Variants in MAGI1 observed in about 807,000 individuals in gnomAD.
The protein encoded by MAGI1 is membrane associated guanylate kinase, WW and PDZ domain containing 1, also known as membrane-associated guanylate kinase, WW and PDZ domain-containing protein 1.
MAGI1 carries 58 observed loss-of-function variants against 139.9 expected under a neutral mutation model. The ratio of observed to expected loss-of-function variants is 0.41; its 90% CI spans 0.34 to 0.52. MAGI1 has a LOEUF of 0.52. Ranked by LOEUF, MAGI1 falls within the 20% of genes least tolerant of loss-of-function variation. The pLI is 0.12. For synonymous variants in MAGI1, 812 were observed against 737.9 expected (o/e 1.10, Z -1.63); for missense variants, 1,874 against 1,901.6 (o/e 0.99, Z 0.27).
chr3:65,471,161 T>A (rs1050549289), intron 4 of MAGI1, among the ~76,000 whole-genome samples: 1 of 152,296 alleles, frequency 6.6e-6, no homozygotes, highest in Middle Eastern at 3.4e-3. Context: ...TGGACTGATA[T>A]GACTTGAGTC....
At chr3:65,426,611 G>C (rs11131021) in intron 12 of MAGI1, among the ~76,000 whole-genome samples, 97,375 of 152,036 alleles carry the variant, frequency 0.64, 32,164 homozygotes, top group Non-Finnish European at 0.72. Context: ...CTTTCTCATT[G>C]AACCTAGCTG....
At chr3:65,949,892 T>C (rs1021764575) in intron 1 of MAGI1, among the ~76,000 whole-genome samples, 3 of 151,526 alleles carry the variant, frequency 2.0e-5, no homozygotes, top group Non-Finnish European at 2.9e-5. Context: ...CTGCAAAAAA[T>C]ACATAAATTA....
At chr3:65,564,824 AATAAG>A (rs2080534532) in intron 2 of MAGI1, among the ~76,000 whole-genome samples, 1 of 152,194 alleles carries the variant, frequency 6.6e-6, no homozygotes, top group African/African-American at 2.4e-5. Context: ...CCTGTGTGAG[AATAAG>A]TTTACTGGCC....
chr3:65,871,931 C>T (rs2059952994), intron 1 of MAGI1, among the ~76,000 whole-genome samples: 1 of 152,304 alleles, frequency 6.6e-6, no homozygotes, highest in East Asian at 1.9e-4. Context: ...AGTTCTCCAC[C>T]TGTTCCTGTC....
chr3:65,657,113 T>G (rs1576622131), intron 1 of MAGI1, among the ~76,000 whole-genome samples: 1 of 150,820 alleles, frequency 6.6e-6, no homozygotes, highest in East Asian at 2.0e-4. Context: ...TTTACATACA[T>G]CCCCTACCTG....
At chr3:65,812,435 C>CTCTCTCTCTT (rs1248522804) in intron 1 of MAGI1, among the ~76,000 whole-genome samples, 124 of 144,148 alleles carry the variant, frequency 8.6e-4, no homozygotes, top group South Asian at 1.9e-3. Context: ...TATAAAATCT[C>CTCTCTCTCTT]TCTCTCTCTT....
At chr3:65,705,661 C>T (rs2030122700) in intron 1 of MAGI1, among the ~76,000 whole-genome samples, 1 of 152,170 alleles carries the variant, frequency 6.6e-6, no homozygotes, top group Admixed American at 6.5e-5. Context: ...AGATCTTGAA[C>T]ATTTTCACAT....
At chr3:65,371,781 C>T (rs566527833) in intron 18 of MAGI1, 3 of 234,324 alleles carry the variant, frequency 1.3e-5, no homozygotes, top group African/African-American at 6.9e-5. Flanking sequence ...TAGATTCCAT[C>T]TCAAGAAACC....
intron 1 of MAGI1, among the ~76,000 whole-genome samples, chr3:65,801,581 T>C (rs2040517022): frequency 6.6e-6 from 1 of 152,148 alleles, no homozygotes; most frequent in Non-Finnish European, 1.5e-5. Context: ...CAGGTCTCCA[T>C]CTCCCTGACA....
intron 1 of MAGI1, among the ~76,000 whole-genome samples, chr3:65,817,573 C>T (rs1258322134): frequency 6.6e-6 from 1 of 152,174 alleles, no homozygotes; most frequent in African/African-American, 2.4e-5. Flanking sequence ...CAATAATATA[C>T]TCGCATTTCC....
Position 65,620,796 on chromosome 3 carries a change from C to G in MAGI1, c.430+1176G>C, listed in dbSNP as rs574808587. Among the ~76,000 whole-genome samples the G allele has an allele frequency of 3.3e-5, 5 of 152,298 alleles. No homozygotes were observed. In the South Asian group the frequency reaches 8.3e-4, roughly 25 times the overall value. On this transcript the variant is annotated intron_variant, in intron 2 of 22. Coordinates refer to ENST00000402939, the MANE Select transcript of MAGI1 (RefSeq NM_001033057.2). ...GGGCCCTGTCCCAAGTTACTTGCAG[C>G]AAACCTCTTCTCCTCTCATAGCCTC...
chr3:65,930,407 C>T (rs2062755639), intron 1 of MAGI1, among the ~76,000 whole-genome samples: 2 of 150,726 alleles, frequency 1.3e-5, no homozygotes, highest in Non-Finnish European at 3.0e-5. Context: ...CTACTAACTT[C>T]CCCAAATAAG....
chr3:65,741,849 A>G (rs1240777775), intron 1 of MAGI1, among the ~76,000 whole-genome samples: 1 of 152,172 alleles, frequency 6.6e-6, no homozygotes, highest in East Asian at 1.9e-4. Context: ...GAACATGGAG[A>G]CCCAATCCAG....
At chr3:65,377,455 T>A (rs1216642213) in intron 17 of MAGI1, among the ~76,000 whole-genome samples, 3 of 152,182 alleles carry the variant, frequency 2.0e-5, no homozygotes, top group African/African-American at 7.2e-5. Context: ...AGGAAAACAA[T>A]CAAAGACCAA....
At chr3:65,493,077 CA>C (rs11412426) in intron 3 of MAGI1, among the ~76,000 whole-genome samples, 2,652 of 110,216 alleles carry the variant, frequency 0.024, 65 homozygotes, top group African/African-American at 0.085. Context: ...GACTCCGTCT[CA>C]AAAAAAAAAA....
At chr3:65,457,423 G>A (rs1949473608) in intron 5 of MAGI1, among the ~76,000 whole-genome samples, 1 of 151,962 alleles carries the variant, frequency 6.6e-6, no homozygotes, top group Middle Eastern at 3.2e-3. Context: ...TGGCTATTTG[G>A]ACAAATTTAC....
chr3:66,021,623 AC>A (rs2067963600), intron 1 of MAGI1, among the ~76,000 whole-genome samples: 1 of 152,080 alleles, frequency 6.6e-6, no homozygotes, highest in African/African-American at 2.4e-5. Flanking sequence ...CAGCCAGAGC[AC>A]CTTTAAACAC....
intron 1 of MAGI1, among the ~76,000 whole-genome samples, chr3:65,704,485 A>G (rs1476382167): frequency 6.6e-6 from 1 of 152,128 alleles, no homozygotes; most frequent in East Asian, 1.9e-4. Context: ...ACCACTTGCC[A>G]GGTTTCTCCT....
chr3:65,368,701 T>C (rs1941683461), intron 18 of MAGI1, among the ~76,000 whole-genome samples: 1 of 152,216 alleles, frequency 6.6e-6, no homozygotes, highest in South Asian at 2.1e-4. Context: ...ATCCCATAAA[T>C]ATTTGAAAAG....
Sources: allele counts gnomAD v4.1 joint callset (sites outside exome capture counted in the v4.1 genomes callset), GRCh38; gene constraint gnomAD v4.1.1; transcripts MANE v1.5; gene names NCBI Gene and HGNC (gene_info 2026-07-23, HGNC 2026-07-21).